Variants in THAP6 observed in about 807,000 individuals in gnomAD.
THAP6 encodes THAP domain-containing protein 6.
THAP6 carries 13 observed loss-of-function variants against 20.0 expected under a neutral mutation model. The ratio of observed to expected loss-of-function variants is 0.65; its 90% confidence interval spans 0.42 to 1.03. The LOEUF is 1.03. THAP6 is among the 50% of genes least tolerant of loss of function. The pLI is 0.00. For synonymous variants in THAP6, 93 were observed against 92.2 expected (o/e 1.01, Z -0.05); for missense variants, 262 against 261.6 (o/e 1.00, Z -0.01).
In THAP6 at chr4:75,521,708, G is replaced by GATT. The variant is rs746294045; in HGVS notation, c.289-26_289-25insTAT. On this transcript the variant is annotated intron_variant, in intron 3 of 4. Coordinates refer to ENST00000311638, the MANE Select transcript of THAP6 (RefSeq NM_144721.6). ...AAGAAAGAACAAAAGTATCTCACTT[G>GATT]ATGATTATTATTAACTACTCTTAAC... The GATT allele has an allele frequency of 9.1e-6, 14 of 1,537,144 alleles. No homozygotes were observed. The East Asian group carries it at 2.8e-4, about 31-fold the overall frequency.
chr4:75,523,127 T>C (rs1366450535), intron 4 of THAP6, among the ~76,000 whole-genome samples: 1 of 152,188 alleles, frequency 6.6e-6, no homozygotes, highest in East Asian at 1.9e-4. Flanking sequence ...CTGTTTTAGG[T>C]ATAAAAGCCA....
chr4:75,517,190 G>A lies in THAP6; in HGVS notation c.288+211G>A, dbSNP rs1000595253. 33 of 458,604 alleles carry A rather than the reference G, an allele frequency of 7.2e-5. No individual in the cohort carries two copies. The Admixed American group carries it at 1.2e-3, about 16-fold the overall frequency. The allele number at this position is 458,604 out of a possible 1,614,324, so 28.4% of individuals were successfully genotyped here. On this transcript the variant is annotated intron_variant, in intron 3 of 4. Transcript: ENST00000311638. ...CTGCCACCACACCTGGCTAATTTTT[G>A]TATTTTTAGGAGAGATGGCGTTTCA...
downstream of THAP6, among the ~76,000 whole-genome samples, chr4:75,531,055 C>T (rs1229182361): frequency 6.6e-6 from 1 of 152,198 alleles, no homozygotes; most frequent in Non-Finnish European, 1.5e-5. Flanking sequence ...CTTGGAAAGG[C>T]CTGCAAGGTT....
chr4:75,530,393 G>T (rs1326225251), downstream of THAP6, among the ~76,000 whole-genome samples: 1 of 152,148 alleles, frequency 6.6e-6, no homozygotes, highest in African/African-American at 2.4e-5. Context: ...ACTTTAGAGG[G>T]GATGTCTTAG....
At chr4:75,536,148 A>T (rs1726846168) in intron 2 of THAP6, among the ~76,000 whole-genome samples, 1 of 152,228 alleles carries the variant, frequency 6.6e-6, no homozygotes, top group African/African-American at 2.4e-5. Context: ...ATTAAAAGGC[A>T]GGGATTGTGA....
intron 3 of THAP6, among the ~76,000 whole-genome samples, chr4:75,519,762 T>C (rs1725895697): frequency 6.6e-6 from 1 of 151,962 alleles, no homozygotes; most frequent in South Asian, 2.1e-4. Flanking sequence ...AAGTCTTTGC[T>C]ATTGTGAATA....
rs556978558 is a variant in THAP6, at chr4:75,528,215, G to A, written c.*1001G>A. On this transcript the variant is annotated 3_prime_UTR_variant, in exon 5 of 5. Coordinates refer to ENST00000311638, the MANE Select transcript of THAP6 (RefSeq NM_144721.6). ...TCCAAAGGCTTTTATTTAGAGAAAC[G>A]GGTAATTAAAACAGCAGCTTTAGAA... 14 of 985,344 alleles carry A rather than the reference G, an allele frequency of 1.4e-5. No homozygotes were observed. The highest frequency in any genetic ancestry group is 7.0e-5 in the African/African-American group (4 of 57,342). 61.0% of individuals were successfully genotyped at this position (985,344 alleles called of 1,614,324 possible).
intron 3 of THAP6, among the ~76,000 whole-genome samples, chr4:75,520,693 A>G (rs1356358182): frequency 2.6e-5 from 4 of 152,208 alleles, no homozygotes; most frequent in East Asian, 1.9e-4. Context: ...ATCAAAGACT[A>G]TATACACTTT....
chr4:75,520,172 G>A (rs1417058032), intron 3 of THAP6, among the ~76,000 whole-genome samples: 6 of 152,046 alleles, frequency 3.9e-5, no homozygotes, highest in Non-Finnish European at 8.8e-5. Flanking sequence ...TTTTTGATGG[G>A]GTTGTTTGTT....
intron 3 of THAP6, among the ~76,000 whole-genome samples, chr4:75,545,944 A>C (rs1248336549): frequency 2.0e-5 from 3 of 152,086 alleles, no homozygotes; most frequent in Non-Finnish European, 4.4e-5. Flanking sequence ...CTGCGGGCCC[A>C]CCCTAGAACT....
intron 2 of THAP6, among the ~76,000 whole-genome samples, chr4:75,535,639 T>C (rs2148829056): frequency 6.6e-6 from 1 of 152,336 alleles, no homozygotes; most frequent in Middle Eastern, 3.4e-3. Context: ...AAGATGCATT[T>C]CCCAAAGATC....
intron 2 of THAP6, among the ~76,000 whole-genome samples, chr4:75,535,910 C>A (rs1726838032): frequency 6.6e-6 from 1 of 152,154 alleles, no homozygotes; most frequent in Non-Finnish European, 1.5e-5. Flanking sequence ...TGACAAATTT[C>A]TCTGTCCTAG....
chr4:75,520,814 A>G (rs1725974529), intron 3 of THAP6, among the ~76,000 whole-genome samples: 1 of 152,176 alleles, frequency 6.6e-6, no homozygotes, highest in African/African-American at 2.4e-5. Flanking sequence ...AATCGTTGGT[A>G]TAAGTTGTGT....
chr4:75,518,687 A>G (rs1398109762), intron 3 of THAP6, among the ~76,000 whole-genome samples: 1 of 152,084 alleles, frequency 6.6e-6, no homozygotes, highest in African/African-American at 2.4e-5. Flanking sequence ...ATTAACTACT[A>G]CTCTCCATGA....
At position 75,529,411 on chromosome 4, in the gene THAP6, T is replaced by C. The variant is rs1284689476; in HGVS notation, c.*2197T>C. ...TTCATAGTAGACTCAGCACTTCTTT[T>C]TCACTGGACCTAGTATAACTGAGAA... On this transcript the variant is annotated 3_prime_UTR_variant, in exon 5 of 5. Coordinates refer to ENST00000311638, the MANE Select transcript of THAP6 (RefSeq NM_144721.6). 1 of 985,318 alleles carries C rather than the reference T, an allele frequency of 1.0e-6. No homozygotes were observed. The highest frequency in any genetic ancestry group is 6.1e-5 in the Admixed American group (1 of 16,268). 61.0% of individuals were successfully genotyped at this position (985,318 alleles called of 1,614,324 possible). A position where few individuals can be genotyped will look rare whatever the true frequency, so the allele number is the denominator to read the frequency against.
chr4:75,534,572 G>T (rs191223041), downstream of THAP6, among the ~76,000 whole-genome samples: 124 of 152,216 alleles, frequency 8.1e-4, no homozygotes, highest in African/African-American at 2.8e-3. Flanking sequence ...TGGATCTAAT[G>T]AAACTAAAGA....
At chr4:75,547,073 C>T (rs112369899) in intron 3 of THAP6, among the ~76,000 whole-genome samples, 2 of 152,290 alleles carry the variant, frequency 1.3e-5, no homozygotes, top group African/African-American at 2.4e-5. Flanking sequence ...GGTAAAGCCA[C>T]CTCCTGCCCC....
At chr4:75,540,140 CA>C (rs1726966366) in intron 2 of THAP6, among the ~76,000 whole-genome samples, 1 of 152,192 alleles carries the variant, frequency 6.6e-6, no homozygotes, top group African/African-American at 2.4e-5. Flanking sequence ...CCCGTTCATT[CA>C]ACTTTATAAA....
chr4:75,529,192 C>T lies in THAP6; in HGVS notation c.*1978C>T, dbSNP rs1726566685. ...GATGTTTTCAATAGAGATTATTTTT[C>T]CCTCACCCTATTTGTGAATATATAA... is the stretch of plus-strand genomic sequence containing the variant. On this transcript the variant is annotated 3_prime_UTR_variant, in exon 5 of 5. Coordinates refer to ENST00000311638, the MANE Select transcript of THAP6 (RefSeq NM_144721.6). 1.0e-6 allele frequency: 1 copy of T among 983,842 alleles called. No homozygotes were observed. The highest frequency in any genetic ancestry group is 1.2e-6 in the Non-Finnish European group (1 of 828,658). The allele number at this position is 983,842 out of a possible 1,614,324, so 60.9% of individuals were successfully genotyped here.
Sources: gnomAD v4.1 joint callset for allele counts (sites outside exome capture counted in the v4.1 genomes callset) on GRCh38, gnomAD v4.1.1 for gene constraint, MANE v1.5 for transcripts, NCBI Gene and HGNC (gene_info 2026-07-23, HGNC 2026-07-21) for gene names.